The following IKBKB-DT variants were observed in gnomAD, a reference collection of about 807,000 sequenced individuals.
The protein encoded by IKBKB-DT is IKBKB antisense RNA.
chr8:42,255,349 A>G (rs940191615), intron 3 of IKBKB-DT: 1 of 152,228 alleles, frequency 6.6e-6, no homozygotes, highest in African/African-American at 2.4e-5. Context: ...GGAACTTTTA[A>G]TAAGGAATCT....
At chr8:42,237,088 T>TG (rs1806934714) in intron 3 of IKBKB-DT, among the ~76,000 whole-genome samples, 3 of 149,720 alleles carry the variant, frequency 2.0e-5, no homozygotes, top group East Asian at 1.9e-4. Context: ...CAGTTTTTTT[T>TG]TTTTGTTTGT....
chr8:42,269,701 G>A (rs538151396), intron 1 of IKBKB-DT, among the ~76,000 whole-genome samples: 3 of 152,134 alleles, frequency 2.0e-5, no homozygotes, highest in South Asian at 2.1e-4. Context: ...AGCAGCCAGC[G>A]TGCCTAGCAC....
chr8:42,245,939 G>C (rs900646445), intron 3 of IKBKB-DT, among the ~76,000 whole-genome samples: 2 of 152,172 alleles, frequency 1.3e-5, no homozygotes, highest in Non-Finnish European at 2.9e-5. Flanking sequence ...TCATAAACAG[G>C]GAAGTGGTTA....
At chr8:42,239,534 A>G (rs1362757509) in intron 3 of IKBKB-DT, among the ~76,000 whole-genome samples, 3 of 149,050 alleles carry the variant, frequency 2.0e-5, no homozygotes, top group Non-Finnish European at 3.0e-5. Context: ...AGGCCCAACA[A>G]CAGTGTATTT....
rs141986518 is a variant in IKBKB-DT at position 42,252,606 on chromosome 8, A to G, written n.1529+10723T>C. ...GGTCTTGAACTCCTGAGCTCAAGCA[A>G]TCCTCCTGCGCTGGCCTCCCAATGT... On this transcript the variant is annotated intron_variant and non_coding_transcript_variant, in intron 3 of 3. Transcript: ENST00000518213. Among the ~76,000 whole-genome samples, 862 of 152,320 alleles carry G rather than the reference A, an allele frequency of 5.7e-3. 4 individuals are homozygous for G. Among genetic ancestry groups the G allele is most frequent in the African/African-American group, 0.019 (786 of 41,572 alleles).
intron 3 of IKBKB-DT, chr8:42,255,622 A>G (rs1232653988): frequency 1.3e-5 from 2 of 152,220 alleles, no homozygotes; most frequent in Non-Finnish European, 2.9e-5. Context: ...ATATCGGATT[A>G]TATGTTCATT....
rs773177896 is a variant in IKBKB-DT, at chr8:42,241,224, CTTTTTTTTTTTTTTTTTTTTTTTTT to C, written n.1530-7390_1530-7366del. Among the ~76,000 whole-genome samples the C allele has an allele frequency of 8.1e-3, 368 of 45,698 alleles. 4 individuals carry two copies. Among genetic ancestry groups the C allele is most frequent in the Middle Eastern group, 0.036 (2 of 56 alleles). 30.0% of individuals were successfully genotyped at this position (45,698 alleles called of 152,430 possible). A position where few individuals can be genotyped will look rare whatever the true frequency, so the allele number is the denominator to read the frequency against. ...TTGATGCCTTTAGATATGTTGGAAT[CTTTTTTTTTTTTTTTTTTTTTTTTT>C]TTTTTTTTTTTTTTTTTGCCTAGGA... is the stretch of plus-strand genomic sequence containing the variant. On this transcript the variant is annotated intron_variant and non_coding_transcript_variant, in intron 3 of 3. Transcript: ENST00000518213.
At chr8:42,269,436 G>A (rs1807448044) in intron 1 of IKBKB-DT, among the ~76,000 whole-genome samples, 1 of 78,766 alleles carries the variant, frequency 1.3e-5, no homozygotes, top group African/African-American at 5.0e-5. Context: ...AAGGGGAGGG[G>A]AAGCGAGGGG....
chr8:42,257,793 A>T (rs551544115), intron 3 of IKBKB-DT, among the ~76,000 whole-genome samples: 6 of 150,704 alleles, frequency 4.0e-5, no homozygotes, highest in Non-Finnish European at 8.9e-5. Flanking sequence ...TCAAAGGACA[A>T]TTTTTTTTTT....
At chr8:42,266,922 C>T (rs145666010) in intron 1 of IKBKB-DT, among the ~76,000 whole-genome samples, 2,618 of 151,814 alleles carry the variant, frequency 0.017, 46 homozygotes, top group East Asian at 0.022. Context: ...AATGGGCAAC[C>T]AGTAGCCCTC....
chr8:42,236,971 C>T (rs905857069), intron 3 of IKBKB-DT, among the ~76,000 whole-genome samples: 5 of 152,106 alleles, frequency 3.3e-5, no homozygotes, highest in South Asian at 2.1e-4. Flanking sequence ...CCTTCCACCT[C>T]GGCCTCCTAA....
chr8:42,258,368 C>T (rs1807235190), intron 3 of IKBKB-DT, among the ~76,000 whole-genome samples: 1 of 152,152 alleles, frequency 6.6e-6, no homozygotes, highest in African/African-American at 2.4e-5. Context: ...TGGTCTTGAA[C>T]TCCTGGGCTC....
intron 3 of IKBKB-DT, among the ~76,000 whole-genome samples, chr8:42,257,545 C>A (rs1375278421): frequency 2.6e-5 from 4 of 152,020 alleles, no homozygotes; most frequent in African/African-American, 9.7e-5. Flanking sequence ...AAGACAAGTC[C>A]TTTGTGACTT....
chr8:42,268,272 T>C lies in IKBKB-DT; in HGVS notation n.604-1876A>G, dbSNP rs570694627. 8.4e-4 allele frequency among the ~76,000 whole-genome samples: 127 copies of C among 151,700 alleles called. No individual in the cohort carries two copies. In the East Asian group the frequency reaches 0.024, roughly 28 times the overall value. On this transcript the variant is annotated intron_variant and non_coding_transcript_variant, in intron 1 of 3. Transcript: ENST00000518213. ...GCCTCAGCCTCCCGAGTAGCTTGGA[T>C]TACAGGCACGTGCCACCACGCCCAG...
chr8:42,258,337 G>A (rs2129926509), intron 3 of IKBKB-DT, among the ~76,000 whole-genome samples: 1 of 152,148 alleles, frequency 6.6e-6, no homozygotes, highest in Non-Finnish European at 1.5e-5. Context: ...TTTTGAGACA[G>A]TCTTGCTATG....
At chr8:42,248,910 T>A (rs1427168249) in intron 3 of IKBKB-DT, 1 of 150,510 alleles carries the variant, frequency 6.6e-6, no homozygotes, top group Non-Finnish European at 1.5e-5. Context: ...CAAATTTGCA[T>A]CACAAAACAG....
At chr8:42,251,314 A>G (rs1030985725) in intron 3 of IKBKB-DT, among the ~76,000 whole-genome samples, 3 of 152,244 alleles carry the variant, frequency 2.0e-5, no homozygotes, top group African/African-American at 7.2e-5. Context: ...TGTATCCTGC[A>G]TCCATTGGCT....
chr8:42,255,617 G>A (rs892772856), intron 3 of IKBKB-DT: 3 of 152,050 alleles, frequency 2.0e-5, no homozygotes, highest in African/African-American at 4.8e-5. Flanking sequence ...TGATCATATC[G>A]GATTATATGT....
At chr8:42,238,103 T>G (rs1190086487) in intron 3 of IKBKB-DT, among the ~76,000 whole-genome samples, 3 of 139,930 alleles carry the variant, frequency 2.1e-5, no homozygotes, top group Non-Finnish European at 4.6e-5. Context: ...CAACTCAGTA[T>G]CAGTAAAGAA....
Sources: gnomAD v4.1 joint callset for allele counts (sites outside exome capture counted in the v4.1 genomes callset) on GRCh38, gnomAD v4.1.1 for gene constraint, MANE v1.5 for transcripts, NCBI Gene and HGNC (gene_info 2026-07-23, HGNC 2026-07-21) for gene names.